COX17: variants seen among roughly 807,000 people sequenced by gnomAD.
The protein encoded by COX17 is cytochrome c oxidase copper chaperone.
In COX17, 1 loss-of-function variant was observed where a neutral mutation model predicts 6.3. The observed-to-expected ratio is 0.16, with a 90% CI of 0.06 to 0.75. The LOEUF (loss-of-function observed/expected upper bound fraction) is 0.75. COX17 is among the 30% of genes least tolerant of loss of function. The pLI, the probability that COX17 is intolerant of heterozygous loss-of-function variation, is 0.77. For missense variants in COX17, 73 were observed against 81.2 expected, an observed-to-expected ratio of 0.90 and a Z score of 0.39; for synonymous variants, 26 against 30.5, an observed-to-expected ratio of 0.85 and a Z score of 0.49.
Position 119,669,650 on chromosome 3 carries a change from T to G in COX17, c.*20A>C, listed in dbSNP as rs2053025061. On this transcript the variant is annotated 3_prime_UTR_variant, in exon 3 of 3. Coordinates refer to ENST00000261070, the MANE Select transcript of COX17 (RefSeq NM_005694.2). ...TCTTCATTCTTCAGGAATTATTTAT[T>G]CACACAGCAGACCACCTACAGAAAA... 6.6e-6 allele frequency: 1 copy of G among 152,318 alleles called. No individual in the cohort carries two copies. The highest frequency in any genetic ancestry group is 1.9e-4 in the East Asian group (1 of 5,204). 9.4% of individuals were successfully genotyped at this position (152,318 alleles called of 1,614,324 possible). A position where few individuals can be genotyped will look rare whatever the true frequency, so the allele number is the denominator to read the frequency against.
At chr3:119,671,526 A>G (rs2053043986) in intron 2 of COX17, among the ~76,000 whole-genome samples, 1 of 152,186 alleles carries the variant, frequency 6.6e-6, no homozygotes. Context: ...TCTAAGAAAT[A>G]CCGATTTAGG....
downstream of COX17, among the ~76,000 whole-genome samples, chr3:119,667,874 CAT>C (rs778750833): frequency 3.9e-5 from 6 of 152,104 alleles, no homozygotes; most frequent in Non-Finnish European, 8.8e-5. Context: ...GGTTATCTGA[CAT>C]ATATCCTGTT....
intron 2 of COX17, among the ~76,000 whole-genome samples, chr3:119,670,499 A>T (rs1458541755): frequency 6.6e-6 from 1 of 152,206 alleles, no homozygotes; most frequent in Non-Finnish European, 1.5e-5. Context: ...CAACCTTTCA[A>T]TTATAGCAGC....
At chr3:119,667,813 G>T (rs574639015), downstream of COX17, among the ~76,000 whole-genome samples, 2 of 151,876 alleles carry the variant, frequency 1.3e-5, no homozygotes, top group African/African-American at 4.8e-5. Flanking sequence ...TCCTTATTAT[G>T]TTTCCATTAA....
intron 2 of COX17, among the ~76,000 whole-genome samples, chr3:119,670,155 C>G (rs1221906640): frequency 1.3e-5 from 2 of 152,118 alleles, no homozygotes; most frequent in Non-Finnish European, 2.9e-5. Context: ...AAAGGCAAGA[C>G]AAGGGCAACC....
At chr3:119,668,060 G>A (rs1385471147), downstream of COX17, among the ~76,000 whole-genome samples, 2 of 152,224 alleles carry the variant, frequency 1.3e-5, no homozygotes, top group East Asian at 3.9e-4. Context: ...TGACACCACA[G>A]ACCTATACTC....
intron 1 of COX17, 196 bp downstream of exon 1, chr3:119,677,008 C>A (rs13067694): frequency 0.05 from 16,026 of 322,368 alleles, 353 homozygotes; most frequent in Admixed American, 0.12. Context: ...CGCAATGGGG[C>A]GGGGCGGGGC....
At chr3:119,671,462 GT>G (rs2053043663) in intron 2 of COX17, among the ~76,000 whole-genome samples, 1 of 152,160 alleles carries the variant, frequency 6.6e-6, no homozygotes, top group South Asian at 2.1e-4. Flanking sequence ...AGAGATCTAA[GT>G]TTGCAAAATA....
At chr3:119,677,176 G>A in intron 1 of COX17, 28 bp downstream of exon 1, 1 of 1,581,958 alleles carries the variant, frequency 6.3e-7, no homozygotes, top group African/African-American at 1.3e-5. Flanking sequence ...GGGCTCGTCG[G>A]CCGCGCCCTC....
intron 2 of COX17, among the ~76,000 whole-genome samples, chr3:119,672,988 T>C (rs1027018038): frequency 6.6e-6 from 1 of 152,182 alleles, no homozygotes; most frequent in Admixed American, 6.5e-5. Context: ...AGACTGGCCA[T>C]ATGTGAAATT....
chr3:119,677,223 T>C lies in COX17; in HGVS notation c.88A>G (p.Lys30Glu). The C allele has an allele frequency of 1.2e-6, 2 of 1,611,550 alleles. No homozygotes were observed. Among genetic ancestry groups the C allele is most frequent in the Non-Finnish European group, 1.7e-6 (2 of 1,179,774 alleles). ...LKPCCACPET[K>E]KARDACIIEK... is the part of the protein sequence containing the mutation. ...ACTGACCACGCATCGCGCGCCTTCT[T>C]GGTCTCCGGGCAAGCGCAGCAGGGC... The change falls in exon 1 of 3, where the codon AAG (lysine) becomes GAG (glutamate). Residue 30 changes from lysine (K) to glutamate (E), a missense_variant. Transcript: ENST00000261070.
Position 119,673,192 on chromosome 3 carries a change from C to T in COX17, c.*4+1953G>A, listed in dbSNP as rs141065803. Among the ~76,000 whole-genome samples the T allele has an allele frequency of 7.3e-3, 1,114 of 152,304 alleles. 16 individuals carry two copies. Among genetic ancestry groups the T allele is most frequent in the African/African-American group, 0.025 (1,051 of 41,560 alleles). On this transcript the variant is annotated intron_variant, in intron 2 of 2. Coordinates refer to ENST00000261070, the MANE Select transcript of COX17 (RefSeq NM_005694.2). ...AGGCTCCAGTTCTGATACTGCACAA[C>T]CCACCTTGGGGGCCATTTCATAACT...
At chr3:119,672,180 A>G (rs2053051508) in intron 2 of COX17, among the ~76,000 whole-genome samples, 1 of 152,316 alleles carries the variant, frequency 6.6e-6, no homozygotes, top group Middle Eastern at 3.4e-3. Flanking sequence ...TATTGTCTCC[A>G]TTTTACGGAT....
At chr3:119,677,007 G>A (rs1304274984) in intron 1 of COX17, 197 bp downstream of exon 1, 1 of 423,928 alleles carries the variant, frequency 2.4e-6, no homozygotes. Context: ...CCGCAATGGG[G>A]CGGGGCGGGG....
At chr3:119,673,897 G>A (rs376833729) in intron 2 of COX17, among the ~76,000 whole-genome samples, 20 of 151,924 alleles carry the variant, frequency 1.3e-4, no homozygotes, top group African/African-American at 3.9e-4. Context: ...GCCACTGCCC[G>A]GCTGCCCACT....
chr3:119,673,198 T>C (rs2107834339), intron 2 of COX17, among the ~76,000 whole-genome samples: 1 of 152,320 alleles, frequency 6.6e-6, no homozygotes, highest in East Asian at 1.9e-4. Context: ...ACAACCCACC[T>C]TGGGGGCCAT....
chr3:119,667,464 C>G (rs1333058300), downstream of COX17, among the ~76,000 whole-genome samples: 1 of 152,066 alleles, frequency 6.6e-6, no homozygotes, highest in Non-Finnish European at 1.5e-5. Context: ...TTGTGTTGCT[C>G]AGAGATTAAT....
At chr3:119,668,768 T>A (rs1375688820), downstream of COX17, among the ~76,000 whole-genome samples, 1 of 152,014 alleles carries the variant, frequency 6.6e-6, no homozygotes, top group Non-Finnish European at 1.5e-5. Context: ...CTCTTAATTA[T>A]GTTCTCAGTA....
At chr3:119,667,728 CAGAGAGAG>C (rs61480242), downstream of COX17, among the ~76,000 whole-genome samples, 643 of 67,564 alleles carry the variant, frequency 9.5e-3, 6 homozygotes, top group African/African-American at 0.028. Flanking sequence ...CACACACACA[CAGAGAGAG>C]AGAGACAGAG....
Sources: allele counts gnomAD v4.1 joint callset (sites outside exome capture counted in the v4.1 genomes callset), GRCh38; gene constraint gnomAD v4.1.1; transcripts MANE v1.5; gene names NCBI Gene and HGNC (gene_info 2026-07-23, HGNC 2026-07-21).